Variants in NIPBL observed in about 807,000 individuals in gnomAD.
The protein encoded by NIPBL is nipped-B-like protein.
A neutral mutation model predicts 321.8 loss-of-function variants in NIPBL; 19 were observed. That is an observed-to-expected ratio of 0.06 (90% confidence interval 0.04 to 0.09). The LOEUF (loss-of-function observed/expected upper bound fraction) is 0.09. Ranked by LOEUF, NIPBL falls within the 10% of genes least tolerant of loss-of-function variation. NIPBL has a pLI of 1.00. For synonymous variants in NIPBL, 1,106 were observed against 1,114.1 expected, an observed-to-expected ratio of 0.99 and a Z score of 0.14; for missense variants, 2,210 against 3,327.0, an observed-to-expected ratio of 0.66 and a Z score of 8.26.
chr5:36,882,799 G>C (rs576071250), intron 1 of NIPBL, among the ~76,000 whole-genome samples: 2 of 151,742 alleles, frequency 1.3e-5, no homozygotes, highest in Admixed American at 1.3e-4. Context: ...TAGTGACACT[G>C]TTTTTCTTGT....
intron 4 of NIPBL, among the ~76,000 whole-genome samples, chr5:36,958,745 T>C (rs1240163935): frequency 6.6e-6 from 1 of 152,144 alleles, no homozygotes; most frequent in African/African-American, 2.4e-5. Context: ...AACACAGATA[T>C]AATTTTTATG....
At chr5:36,929,637 TCTAAGAA>T (rs1333495046) in intron 1 of NIPBL, among the ~76,000 whole-genome samples, 1 of 152,146 alleles carries the variant, frequency 6.6e-6, no homozygotes, top group Non-Finnish European at 1.5e-5. Flanking sequence ...GTTTTTGTCA[TCTAAGAA>T]CTCTGCCTGA....
At chr5:36,968,563 G>A (rs927351845) in intron 6 of NIPBL, among the ~76,000 whole-genome samples, 2 of 151,658 alleles carry the variant, frequency 1.3e-5, no homozygotes, top group African/African-American at 2.4e-5. Context: ...AAAAAAAAAA[G>A]AAGAAAAATA....
intron 34 of NIPBL, among the ~76,000 whole-genome samples, chr5:37,043,495 C>G (rs1310268153): frequency 6.6e-6 from 1 of 151,430 alleles, no homozygotes; most frequent in Non-Finnish European, 1.5e-5. Context: ...CCACTGCACT[C>G]CAGCCTGGGC....
intron 46 of NIPBL, 90 bp downstream of exon 46, chr5:37,064,068 C>A (rs749296972): frequency 4.6e-6 from 7 of 1,536,970 alleles, no homozygotes; most frequent in Admixed American, 4.1e-5. Flanking sequence ...TAAATGTACA[C>A]CAAGTAATGT....
rs775706530 is a variant in NIPBL at position 36,982,392 on chromosome 5, A to T, written c.1496-2284A>T. On this transcript the variant is annotated intron_variant, in intron 9 of 46. Coordinates refer to ENST00000282516, the MANE Select transcript of NIPBL (RefSeq NM_133433.4). ...TAAGTTCATGGTGGAATTGAATCAG[A>T]CCAAGTGAATCAGAACATACATGCT... is the stretch of plus-strand genomic sequence containing the variant. Among the ~76,000 whole-genome samples the T allele has an allele frequency of 8.6e-5, 13 of 151,798 alleles. No individual in the cohort carries two copies. In the South Asian group the frequency reaches 1.0e-3, roughly 12 times the overall value.
chr5:36,974,426 G>A (rs1163650227), intron 8 of NIPBL, among the ~76,000 whole-genome samples: 1 of 152,038 alleles, frequency 6.6e-6, no homozygotes, highest in Non-Finnish European at 1.5e-5. Context: ...TAAATACAAA[G>A]GCATAATGGT....
chr5:36,958,727 T>C (rs1741262008), intron 4 of NIPBL, among the ~76,000 whole-genome samples: 1 of 152,078 alleles, frequency 6.6e-6, no homozygotes, highest in Non-Finnish European at 1.5e-5. Context: ...AATAAAAATA[T>C]TACATCCAAC....
At chr5:36,915,667 T>TTAGC (rs1448237095) in intron 1 of NIPBL, among the ~76,000 whole-genome samples, 12 of 152,204 alleles carry the variant, frequency 7.9e-5, no homozygotes, top group Admixed American at 5.2e-4. Flanking sequence ...AGCAGGTTTA[T>TTAGC]TAGCTTAGTA....
At chr5:37,007,551 A>AAT in intron 18 of NIPBL, 77 bp downstream of exon 18, 2 of 993,574 alleles carry the variant, frequency 2.0e-6, no homozygotes, top group Non-Finnish European at 3.1e-6. Flanking sequence ...TCACTCAATA[A>AAT]TAAGACCAGC....
chr5:37,049,378 A>T lies in NIPBL; in HGVS notation c.6954+77A>T, dbSNP rs541765487. ...AATTTGATACATTGTGATTATAGAGAATAAGTAGTTCTTCGTTCCTCTTAC... is the reference window on the plus strand; with the variant it reads ...AATTTGATACATTGTGATTATAGAGTATAAGTAGTTCTTCGTTCCTCTTAC... On this transcript the variant is annotated intron_variant, in intron 40 of 46. Coordinates refer to ENST00000282516, the MANE Select transcript of NIPBL (RefSeq NM_133433.4). The T allele has an allele frequency of 4.1e-6, 6 of 1,458,438 alleles. No homozygotes were observed. The East Asian group carries it at 1.1e-4, about 28-fold the overall frequency. 90.3% of individuals were successfully genotyped at this position (1,458,438 alleles called of 1,614,324 possible). A position where few individuals can be genotyped will look rare whatever the true frequency, so the allele number is the denominator to read the frequency against.
intron 1 of NIPBL, among the ~76,000 whole-genome samples, chr5:36,931,782 C>G (rs1749792507): frequency 3.0e-5 from 1 of 33,372 alleles, no homozygotes. Flanking sequence ...TCGTATGTCT[C>G]TGGTTTTTTT....
chr5:37,002,613 A>C (rs1405088486), intron 14 of NIPBL, 49 bp from the exon 15 acceptor site: 1 of 1,246,230 alleles, frequency 8.0e-7, no homozygotes, highest in African/African-American at 1.5e-5. Flanking sequence ...ATTTTGAACT[A>C]TTTTATTTAC....
chr5:37,063,720 C>A, intron 45 of NIPBL, 70 bp from the exon 46 acceptor site: 1 of 1,477,198 alleles, frequency 6.8e-7, no homozygotes, highest in East Asian at 2.4e-5. Flanking sequence ...CCATAGAAAA[C>A]ATTTAGGAAT....
In NIPBL at chr5:36,970,961, T is replaced by C; in HGVS notation, c.696T>C (p.Ala232=). The C allele has an allele frequency of 6.2e-7, 1 of 1,613,294 alleles. No individual in the cohort carries two copies. Residue 232 remains alanine (A), a synonymous_variant, in exon 7 of 47, where the codon GCT becomes GCC. Coordinates refer to ENST00000282516, the MANE Select transcript of NIPBL (RefSeq NM_133433.4). ...CTGGTCCGTTGTCTGGCAATTCAGC[T>C]AATCATCATGCTGATAATCCTAGAC... ...KVSGPLSGNS[A]NHHADNPRHG...
At chr5:36,958,057 G>T in intron 3 of NIPBL, 47 bp from the exon 4 acceptor site, 1 of 1,586,414 alleles carries the variant, frequency 6.3e-7, no homozygotes, top group Non-Finnish European at 8.6e-7. Flanking sequence ...GTCTTCTTAA[G>T]AATCAGTCAC....
At chr5:36,903,106 C>T (rs1483824660) in intron 1 of NIPBL, among the ~76,000 whole-genome samples, 1 of 152,142 alleles carries the variant, frequency 6.6e-6, no homozygotes, top group African/African-American at 2.4e-5. Flanking sequence ...CTGATTTTTG[C>T]ACTTCGTTTT....
chr5:37,000,607 C>A, intron 12 of NIPBL, 37 bp downstream of exon 12: 2 of 1,595,744 alleles, frequency 1.3e-6, no homozygotes, highest in South Asian at 1.1e-5. Flanking sequence ...TTACATAAAC[C>A]AATTTAAATT....
At chr5:37,055,823 TAGTG>T (rs1300974816) in intron 42 of NIPBL, among the ~76,000 whole-genome samples, 2 of 151,968 alleles carry the variant, frequency 1.3e-5, no homozygotes, top group Non-Finnish European at 2.9e-5. Context: ...CTGGGCAACA[TAGTG>T]AGACCCTATC....
Sources: allele counts gnomAD v4.1 joint callset (sites outside exome capture counted in the v4.1 genomes callset), GRCh38; gene constraint gnomAD v4.1.1; transcripts MANE v1.5; gene names NCBI Gene and HGNC (gene_info 2026-07-23, HGNC 2026-07-21).